The following HIP1 variants were observed in gnomAD, a reference collection of about 807,000 sequenced individuals.
HIP1 encodes huntingtin interacting protein 1, also known as huntingtin-interacting protein 1.
A neutral mutation model predicts 147.6 loss-of-function variants in HIP1; 65 were observed. That is an observed-to-expected ratio of 0.44 (90% confidence interval 0.36 to 0.54). The LOEUF (loss-of-function observed/expected upper bound fraction) is 0.54. Among genes scored for constraint, HIP1 ranks in the 20% least tolerant of loss-of-function variants. The pLI, the probability that HIP1 is intolerant of heterozygous loss-of-function variation, is 0.00. For synonymous variants in HIP1, 479 were observed against 504.0 expected, an observed-to-expected ratio of 0.95 and a Z score of 0.67; for missense variants, 1,061 against 1,299.6, an observed-to-expected ratio of 0.82 and a Z score of 2.82.
At chr7:75,699,868 TGAGACA>T (rs1311773584) in intron 1 of HIP1, among the ~76,000 whole-genome samples, 38 of 152,040 alleles carry the variant, frequency 2.5e-4, no homozygotes, top group African/African-American at 9.2e-4. Flanking sequence ...TTTTTTCCTT[TGAGACA>T]GAGTCTCTCT....
intron 1 of HIP1, among the ~76,000 whole-genome samples, chr7:75,703,398 C>A (rs1156426053): frequency 6.6e-6 from 1 of 152,110 alleles, no homozygotes; most frequent in African/African-American, 2.4e-5. Context: ...AATCCCAGCA[C>A]TTCGGGAAGC....
chr7:75,581,408 C>G, intron 6 of HIP1, 110 bp from the exon 7 acceptor site: 1 of 735,518 alleles, frequency 1.4e-6, no homozygotes. Context: ...CATGTGCATG[C>G]GCAAACACAC....
chr7:75,546,189 C>T (rs1433626076), intron 25 of HIP1, among the ~76,000 whole-genome samples: 1 of 150,886 alleles, frequency 6.6e-6, no homozygotes, highest in Non-Finnish European at 1.5e-5. Context: ...AAGGAGACTA[C>T]ACAGTGAATA....
chr7:75,617,058 C>T (rs1045701011), intron 1 of HIP1, among the ~76,000 whole-genome samples: 26 of 151,010 alleles, frequency 1.7e-4, no homozygotes, highest in South Asian at 2.1e-4. Context: ...AGGTGCATGC[C>T]ACCACACCCA....
chr7:75,547,562 G>A (rs1160209383), intron 24 of HIP1, among the ~76,000 whole-genome samples, 193 bp downstream of exon 24: 6 of 151,848 alleles, frequency 4.0e-5, no homozygotes, highest in South Asian at 4.2e-4. Context: ...GCTACCGCGC[G>A]GGTTTCTTTT....
Position 75,568,860 on chromosome 7 carries a change from T to A in HIP1, c.746-604A>T, listed in dbSNP as rs1795507526. ...CATGTCTCTACTAAAAATACAGAAA[T>A]TAGCCGGGCGCGGTGGCATGCGCCT... On this transcript the variant is annotated intron_variant, in intron 8 of 30. Coordinates refer to ENST00000336926, the MANE Select transcript of HIP1 (RefSeq NM_005338.7). This position sits in a 1 kb window ranked among gnomAD's most constrained non-coding sequence, Gnocchi z 4.1. 6.6e-6 allele frequency among the ~76,000 whole-genome samples: 1 copy of A among 151,952 alleles called. No individual in the cohort carries two copies. Among genetic ancestry groups the A allele is most frequent in the Non-Finnish European group, 1.5e-5 (1 of 67,990 alleles).
intron 1 of HIP1, among the ~76,000 whole-genome samples, chr7:75,621,357 C>T (rs1554507084): frequency 2.0e-5 from 3 of 152,138 alleles, no homozygotes; most frequent in East Asian, 1.9e-4. Context: ...CTAGAGGCCT[C>T]GTGGCTCATG....
intron 1 of HIP1, among the ~76,000 whole-genome samples, chr7:75,607,221 G>GTTTTT (rs1192539117): frequency 3.6e-5 from 5 of 138,168 alleles, no homozygotes; most frequent in East Asian, 2.2e-4. Context: ...AAAAAGAGTT[G>GTTTTT]TTTTTTGTTT....
At chr7:75,561,618 G>A (rs1163662918) in intron 12 of HIP1, among the ~76,000 whole-genome samples, 1 of 152,096 alleles carries the variant, frequency 6.6e-6, no homozygotes, top group African/African-American at 2.4e-5. Context: ...CAATATTTGA[G>A]GGTCAAGACA....
chr7:75,570,477 G>A (rs1227269252), intron 8 of HIP1, among the ~76,000 whole-genome samples: 1 of 149,518 alleles, frequency 6.7e-6, no homozygotes. Context: ...ATTTTTAGTA[G>A]AGACAGGGTT....
chr7:75,684,896 C>A (rs1563292164), intron 1 of HIP1, among the ~76,000 whole-genome samples: 1 of 151,944 alleles, frequency 6.6e-6, no homozygotes, highest in African/African-American at 2.4e-5. Flanking sequence ...TCGAGACCAT[C>A]CTGGCTAACA....
chr7:75,633,879 G>A (rs62475464), intron 1 of HIP1, among the ~76,000 whole-genome samples: 28,339 of 151,910 alleles, frequency 0.19, 3,024 homozygotes, highest in Non-Finnish European at 0.25. Flanking sequence ...CCCTCTCATC[G>A]GCCTGCTGGG....
chr7:75,540,910 C>T (rs1175587246), intron 29 of HIP1, among the ~76,000 whole-genome samples: 1 of 152,058 alleles, frequency 6.6e-6, no homozygotes, highest in East Asian at 1.9e-4. Context: ...TTTGTGGATA[C>T]TAAGAGATCC....
intron 1 of HIP1, among the ~76,000 whole-genome samples, chr7:75,695,932 G>A (rs1800620778): frequency 6.6e-6 from 1 of 151,726 alleles, no homozygotes; most frequent in Non-Finnish European, 1.5e-5. Context: ...CGTGCCTCCA[G>A]TATGATGTCT....
At chr7:75,631,875 C>T (rs1014059337) in intron 1 of HIP1, among the ~76,000 whole-genome samples, 2 of 151,596 alleles carry the variant, frequency 1.3e-5, no homozygotes, top group African/African-American at 2.4e-5. Context: ...CACCCAGCTG[C>T]GCGTGTGTTG....
intron 1 of HIP1, among the ~76,000 whole-genome samples, chr7:75,617,917 G>A (rs1797723174): frequency 6.6e-6 from 1 of 152,214 alleles, no homozygotes; most frequent in Non-Finnish European, 1.5e-5. Flanking sequence ...CCTAGAAAGC[G>A]CAGCCTTGGG....
chr7:75,576,222 G>A (rs1172445764), intron 7 of HIP1, among the ~76,000 whole-genome samples: 3 of 152,184 alleles, frequency 2.0e-5, no homozygotes, highest in Non-Finnish European at 2.9e-5. Context: ...ACCTCGTAAG[G>A]GTCTCAGAGG....
chr7:75,584,071 C>T (rs981830362), intron 5 of HIP1, among the ~76,000 whole-genome samples: 1 of 151,810 alleles, frequency 6.6e-6, no homozygotes, highest in Non-Finnish European at 1.5e-5. Flanking sequence ...AGCGATTCTC[C>T]TGCCTCAGCC....
chr7:75,569,947 T>C (rs1228039702), intron 8 of HIP1, among the ~76,000 whole-genome samples: 1 of 151,924 alleles, frequency 6.6e-6, no homozygotes, highest in Non-Finnish European at 1.5e-5. Context: ...AACTTTTTTT[T>C]TTTTTTGAGA....
Sources: gnomAD v4.1 joint callset for allele counts (sites outside exome capture counted in the v4.1 genomes callset) on GRCh38, gnomAD v4.1.1 for gene constraint, Gnocchi (gnomAD v3.1) non-coding constraint, MANE v1.5 for transcripts, NCBI Gene and HGNC (gene_info 2026-07-23, HGNC 2026-07-21) for gene names.